Variants in SNX31 observed in about 807,000 individuals in gnomAD.
SNX31 encodes sorting nexin-31.
Under a neutral mutation model 65.4 loss-of-function variants are expected in SNX31, and 58 were observed. That is an observed-to-expected ratio of 0.89 (90% confidence interval 0.72 to 1.10). The LOEUF (loss-of-function observed/expected upper bound fraction) is 1.10. Among genes scored for constraint, SNX31 ranks in the 50% least tolerant of loss-of-function variants. The pLI is 0.00. For synonymous variants in SNX31, 181 were observed against 190.1 expected (o/e 0.95, Z 0.39); for missense variants, 523 against 529.7 (o/e 0.99, Z 0.12).
At chr8:100,579,328 TA>T (rs1229010021) in intron 12 of SNX31, among the ~76,000 whole-genome samples, 5 of 152,220 alleles carry the variant, frequency 3.3e-5, no homozygotes, top group African/African-American at 9.6e-5. Context: ...CTTTATGTAC[TA>T]GGGGGAATAA....
chr8:100,620,312 A>C (rs1817594064), intron 4 of SNX31, among the ~76,000 whole-genome samples: 1 of 152,230 alleles, frequency 6.6e-6, no homozygotes. Flanking sequence ...CAGACACAAC[A>C]GATGCTGCAG....
chr8:100,608,691 T>A (rs1474230182), intron 7 of SNX31, 128 bp from the exon 8 acceptor site: 5 of 758,782 alleles, frequency 6.6e-6, no homozygotes, highest in African/African-American at 5.2e-5. Flanking sequence ...AAGCCACACC[T>A]CCACTTGCCC....
At chr8:100,636,439 C>T (rs1312447565) in intron 2 of SNX31, among the ~76,000 whole-genome samples, 7 of 152,194 alleles carry the variant, frequency 4.6e-5, no homozygotes, top group African/African-American at 1.2e-4. Context: ...TCACCTAAAG[C>T]GGTAGCCACC....
upstream of SNX31, among the ~76,000 whole-genome samples, chr8:100,650,460 T>C (rs1311594209): frequency 1.3e-5 from 2 of 152,158 alleles, no homozygotes; most frequent in East Asian, 1.9e-4. Flanking sequence ...ATTTTTTTCA[T>C]GGGTCTGAGT....
At chr8:100,623,930 G>A (rs1452247407) in intron 4 of SNX31, among the ~76,000 whole-genome samples, 2 of 143,308 alleles carry the variant, frequency 1.4e-5, no homozygotes, top group African/African-American at 5.1e-5. Flanking sequence ...TACGGAAGGA[G>A]TTTAGTCATA....
intron 9 of SNX31, among the ~76,000 whole-genome samples, chr8:100,599,115 C>A (rs1230137894): frequency 6.6e-6 from 1 of 152,108 alleles, no homozygotes; most frequent in African/African-American, 2.4e-5. Context: ...GAAAGTAAAT[C>A]TCAATAATAA....
intron 4 of SNX31, among the ~76,000 whole-genome samples, chr8:100,627,995 A>C (rs1298374151): frequency 6.6e-6 from 1 of 152,230 alleles, no homozygotes; most frequent in Non-Finnish European, 1.5e-5. Flanking sequence ...AAAAATGCTC[A>C]TCATCACTGG....
chr8:100,634,435 GCAC>G (rs781458711), intron 3 of SNX31, among the ~76,000 whole-genome samples: 3 of 151,924 alleles, frequency 2.0e-5, no homozygotes, highest in Non-Finnish European at 2.9e-5. Flanking sequence ...CCAAAATACA[GCAC>G]CCAAGTGTGA....
intron 1 of SNX31, 38 bp from the exon 2 acceptor site, chr8:100,649,386 G>A (rs760684641): frequency 2.2e-5 from 35 of 1,611,702 alleles, no homozygotes; most frequent in Non-Finnish European, 2.9e-5. Flanking sequence ...GGTGAGCCGA[G>A]GGATAAGTGA....
chr8:100,581,311 T>TTATATATATATATATATATATA (rs1554570412), intron 12 of SNX31, among the ~76,000 whole-genome samples: 1 of 122,718 alleles, frequency 8.1e-6, no homozygotes, highest in African/African-American at 4.7e-5. Flanking sequence ...AAAAAATTTT[T>TTATATATATATATATATATATA]TATATATCTA....
In SNX31 at chr8:100,604,521, C is replaced by A. The variant is rs1423136275; in HGVS notation, c.681+3973G>T. 6.6e-6 allele frequency among the ~76,000 whole-genome samples: 1 copy of A among 152,198 alleles called. No individual in the cohort carries two copies. Among genetic ancestry groups the A allele is most frequent in the African/African-American group, 2.4e-5 (1 of 41,454 alleles). ...AGTCAGGAAGCCAAAGGTCAGCCCC[C>A]CTCCACTCACCAAGCCATGGGCCCC... On this transcript the variant is annotated intron_variant, in intron 8 of 13. Transcript: ENST00000311812. The surrounding 1 kb of genome is among the most constrained non-coding windows in gnomAD (Gnocchi z 4.3).
rs1339856876 is a variant in SNX31 at position 100,629,634 on chromosome 8, T to C, written c.321+693A>G. On this transcript the variant is annotated intron_variant, in intron 4 of 13. Transcript: ENST00000311812. This position sits in a 1 kb window ranked among gnomAD's most constrained non-coding sequence, Gnocchi z 5.1. ...TGGCTAAGGATCCAGTTAACTAGTA[T>C]CATATTACTGCGGAACTTAAATTCT... is the stretch of plus-strand genomic sequence containing the variant. 6.6e-6 allele frequency among the ~76,000 whole-genome samples: 1 copy of C among 152,226 alleles called. No individual in the cohort carries two copies. The highest frequency in any genetic ancestry group is 1.5e-5 in the Non-Finnish European group (1 of 68,044).
rs2130750617 is a variant in SNX31, at chr8:100,575,138, A to G, written c.1228-1178T>C. Among the ~76,000 whole-genome samples, 1 of 152,312 alleles carries G rather than the reference A, an allele frequency of 6.6e-6. No homozygotes were observed. Among genetic ancestry groups the G allele is most frequent in the African/African-American group, 2.4e-5 (1 of 41,574 alleles). On this transcript the variant is annotated intron_variant, in intron 13 of 13. Transcript: ENST00000311812. This position sits in a 1 kb window ranked among gnomAD's most constrained non-coding sequence, Gnocchi z 5.1. Reference sequence around the variant, plus strand: ...TTCTACGAGGGATTTGTTTTGATAGAGGGGCCTCACTGCCAAGTGGTTAAA... The same window carrying G: ...TTCTACGAGGGATTTGTTTTGATAGGGGGGCCTCACTGCCAAGTGGTTAAA...
In SNX31 at chr8:100,596,781, C is replaced by T; in HGVS notation, c.836G>A (p.Cys279Tyr). The stretch of plus-strand genomic sequence containing the variant: ...TCCAGAGCCTGATTCTGGGTAGTCA[C>T]AGGTACAAGGATCCAGCTGCAGGTA... Reference protein sequence around the residue: ...YGYLQLDPCTCDYPESGSGAV... With the variant: ...YGYLQLDPCTYDYPESGSGAV... Residue 279 changes from cysteine (C) to tyrosine (Y), a missense_variant, in exon 10 of 14, where the codon TGT (cysteine) becomes TAT (tyrosine). Transcript: ENST00000311812. The T allele has an allele frequency of 6.2e-7, 1 of 1,614,072 alleles. No individual in the cohort carries two copies. Among genetic ancestry groups the T allele is most frequent in the Non-Finnish European group, 8.5e-7 (1 of 1,180,024 alleles).
chr8:100,650,008 A>G (rs1819913500), upstream of SNX31, among the ~76,000 whole-genome samples: 1 of 152,214 alleles, frequency 6.6e-6, no homozygotes, highest in Admixed American at 6.5e-5. Flanking sequence ...AATATATGCA[A>G]CCTTGCTTTC....
chr8:100,635,957 C>A lies in SNX31; in HGVS notation c.196G>T (p.Ala66Ser), dbSNP rs757574415. The change falls in exon 3 of 14, where the codon GCA (alanine) becomes TCA (serine). Residue 66 changes from alanine (A) to serine (S), a missense_variant. Ala to Ser is a moderately conservative substitution (Grantham distance 99). Coordinates refer to ENST00000311812, the MANE Select transcript of SNX31 (RefSeq NM_152628.4). ...LPPFPPKYYL[A>S]MTTAMADERR... ...TCATCAGCCATAGCTGTGGTCATTG[C>A]CAGATAGTACTTTGGTGGGAAGGGT... 1.9e-6 allele frequency: 3 copies of A among 1,613,962 alleles called. No homozygotes were observed. In the African/African-American group the frequency reaches 4.0e-5, roughly 22 times the overall value.
upstream of SNX31, among the ~76,000 whole-genome samples, chr8:100,654,267 T>C (rs745810123): frequency 2.0e-5 from 3 of 152,152 alleles, no homozygotes; most frequent in African/African-American, 7.2e-5. Context: ...CACCTCAGCC[T>C]CCCAAAGTGC....
At chr8:100,647,165 A>G (rs1488271734) in intron 2 of SNX31, among the ~76,000 whole-genome samples, 2 of 152,218 alleles carry the variant, frequency 1.3e-5, no homozygotes, top group African/African-American at 4.8e-5. Context: ...TTTGTATAGA[A>G]AGGGGGAAAA....
rs950010551 is a variant in SNX31 at position 100,594,676 on chromosome 8, T to C, written c.978+1963A>G. On this transcript the variant is annotated intron_variant, in intron 10 of 13. Transcript: ENST00000311812. The surrounding 1 kb of genome is among the most constrained non-coding windows in gnomAD (Gnocchi z 4.0). ...GCTGGTGAGAATGCAGAAAACTGGT[T>C]CACTCACACATTGCTGGTGGGAATG... Among the ~76,000 whole-genome samples the C allele has an allele frequency of 3.9e-5, 6 of 152,234 alleles. No homozygotes were observed. Among genetic ancestry groups the C allele is most frequent in the African/African-American group, 1.4e-4 (6 of 41,472 alleles).
Sources: allele counts gnomAD v4.1 joint callset (sites outside exome capture counted in the v4.1 genomes callset), GRCh38; gene constraint gnomAD v4.1.1; non-coding constraint Gnocchi (gnomAD v3.1); transcripts MANE v1.5; gene names NCBI Gene and HGNC (gene_info 2026-07-23, HGNC 2026-07-21).